The following BACE2 variants were observed in gnomAD, a reference collection of about 807,000 sequenced individuals.
BACE2 encodes the protein beta-secretase 2, also known as 56 kDa aspartic-like protease.
BACE2 carries 17 observed loss-of-function variants against 46.2 expected under a neutral mutation model. The observed-to-expected ratio is 0.37, with a 90% CI of 0.25 to 0.55. The LOEUF (loss-of-function observed/expected upper bound fraction) is 0.55, where lower values mean the gene tolerates loss of function less well. BACE2 is among the 20% of genes least tolerant of loss of function. BACE2 has a pLI of 0.82. For synonymous variants in BACE2, 277 were observed against 295.9 expected, an observed-to-expected ratio of 0.94 and a Z score of 0.66; for missense variants, 595 against 698.1, an observed-to-expected ratio of 0.85 and a Z score of 1.66.
rs765186062 is a variant in BACE2 at position 41,168,500 on chromosome 21, C to T, written c.237C>T (p.Ala79=). 7.2e-7 allele frequency: 1 copy of T among 1,384,612 alleles called. No individual in the cohort carries two copies. Among genetic ancestry groups the T allele is most frequent in the Non-Finnish European group, 9.4e-7 (1 of 1,064,894 alleles). 85.8% of individuals were successfully genotyped at this position (1,384,612 alleles called of 1,614,324 possible). A position where few individuals can be genotyped will look rare whatever the true frequency, so the allele number is the denominator to read the frequency against. ...ASPAGAANFL[A]MVDNLQGDSG... ...CCGCGGGCGCCGCCAACTTCTTGGCCATGGTAGACAACCTGCAGGGGGACT... is the reference window on the plus strand; with the variant it reads ...CCGCGGGCGCCGCCAACTTCTTGGCTATGGTAGACAACCTGCAGGGGGACT... The change falls in exon 1 of 9, where the codon GCC becomes GCT. Residue 79 remains alanine, a synonymous_variant. Transcript: ENST00000330333.
intron 1 of BACE2, among the ~76,000 whole-genome samples, chr21:41,210,713 T>G (rs887809120): frequency 1.3e-5 from 2 of 152,224 alleles, no homozygotes; most frequent in African/African-American, 4.8e-5. Flanking sequence ...TTACAGAGGC[T>G]GCTCACTTGA....
Position 41,168,181 on chromosome 21 carries a change from C to T in BACE2, c.-83C>T, listed in dbSNP as rs1984448472. 5 of 824,580 alleles carry T rather than the reference C, an allele frequency of 6.1e-6. No individual in the cohort carries two copies. Among genetic ancestry groups the T allele is most frequent in the Non-Finnish European group, 7.5e-6 (5 of 670,622 alleles). The allele number at this position is 824,580 out of a possible 1,614,324, so 51.1% of individuals were successfully genotyped here. Reference sequence around the variant, plus strand: ...GCCCATCCCTGCCCGCAGCCCCGCGCGCCGGCCGAGTCGCTGAGCCGCGGC... The same window carrying T: ...GCCCATCCCTGCCCGCAGCCCCGCGTGCCGGCCGAGTCGCTGAGCCGCGGC... On this transcript the variant is annotated 5_prime_UTR_variant, in exon 1 of 9. Coordinates refer to ENST00000330333, the MANE Select transcript of BACE2 (RefSeq NM_012105.5).
At position 41,182,523 on chromosome 21, in the gene BACE2, A is replaced by G. The variant is rs575067554; in HGVS notation, c.312+13948A>G. 14 of 167,058 alleles carry G rather than the reference A, an allele frequency of 8.4e-5. No individual in the cohort carries two copies. The East Asian group carries it at 1.9e-3, about 23-fold the overall frequency. 10.3% of individuals were successfully genotyped at this position (167,058 alleles called of 1,614,324 possible). A position where few individuals can be genotyped will look rare whatever the true frequency, so the allele number is the denominator to read the frequency against. ...CTTTTGAACCTGTCCTAAATTCTAA[A>G]GGGGAGGGGGGAAGGTTCATATAGG... On this transcript the variant is annotated intron_variant, in intron 1 of 8. Coordinates refer to ENST00000330333, the MANE Select transcript of BACE2 (RefSeq NM_012105.5).
In BACE2 at chr21:41,275,621, A is replaced by G; in HGVS notation, c.1554A>G (p.Lys518=). 3 of 1,613,818 alleles carry G rather than the reference A, an allele frequency of 1.9e-6. No individual in the cohort carries two copies. The highest frequency in any genetic ancestry group is 2.5e-6 in the Non-Finnish European group (3 of 1,179,940). The part of the protein sequence containing the change: ...DESSLVRHRW[K] ...CCTCTCTGGTCAGACATCGCTGGAA[A>G]TGAATAGCCAGGCCTGACCTCAAGC... The change falls in exon 9 of 9, where the codon AAA becomes AAG. Residue 518 remains lysine, a synonymous_variant. Coordinates refer to ENST00000330333, the MANE Select transcript of BACE2 (RefSeq NM_012105.5).
In BACE2 at chr21:41,237,549, A is replaced by G; in HGVS notation, c.438A>G (p.Thr146=). The G allele has an allele frequency of 1.2e-6, 2 of 1,614,260 alleles. No homozygotes were observed. The highest frequency in any genetic ancestry group is 2.7e-5 in the African/African-American group (2 of 75,084). Residue 146 remains threonine, a synonymous_variant, in exon 3 of 9, where the codon ACA becomes ACG. Transcript: ENST00000330333. ...STYRSKGFDV[T]VKYTQGSWTG... ...ACCGCTCCAAGGGCTTTGACGTCACAGTGAAGTACACACAAGGAAGCTGGA... is the reference window on the plus strand; with the variant it reads ...ACCGCTCCAAGGGCTTTGACGTCACGGTGAAGTACACACAAGGAAGCTGGA...
At chr21:41,218,260 G>A (rs1000502963) in intron 1 of BACE2, among the ~76,000 whole-genome samples, 2 of 152,140 alleles carry the variant, frequency 1.3e-5, no homozygotes, top group Non-Finnish European at 2.9e-5. Flanking sequence ...AATAAGACAT[G>A]CTTTAGATTT....
chr21:41,221,620 T>C (rs1326856912), intron 1 of BACE2, among the ~76,000 whole-genome samples: 1 of 152,034 alleles, frequency 6.6e-6, no homozygotes. Context: ...GGTCAGGAGA[T>C]CGAGACCATC....
At chr21:41,270,082 G>T (rs1366730176) in intron 8 of BACE2, among the ~76,000 whole-genome samples, 1 of 152,184 alleles carries the variant, frequency 6.6e-6, no homozygotes, top group Non-Finnish European at 1.5e-5. Flanking sequence ...TTTCCCTAAT[G>T]ACTAATAATC....
intron 5 of BACE2, among the ~76,000 whole-genome samples, chr21:41,243,762 A>C (rs1987373705): frequency 6.6e-6 from 1 of 152,196 alleles, no homozygotes; most frequent in Non-Finnish European, 1.5e-5. Context: ...TGGTGAGTGA[A>C]GAGGACTATC....
chr21:41,193,856 G>A lies in BACE2; in HGVS notation c.312+25281G>A, dbSNP rs528122513. Among the ~76,000 whole-genome samples the A allele has an allele frequency of 7.9e-5, 12 of 152,272 alleles. No individual in the cohort carries two copies. In the South Asian group the frequency reaches 1.9e-3, roughly 24 times the overall value. On this transcript the variant is annotated intron_variant, in intron 1 of 8. Coordinates refer to ENST00000330333, the MANE Select transcript of BACE2 (RefSeq NM_012105.5). This position sits in a 1 kb window ranked among gnomAD's most constrained non-coding sequence, Gnocchi z 4.2. ...ACATTTTGGGTCCTCTGGAATTAAC[G>A]TCAGCTCAGAGCCAGTGTCCAGTAG...
At chr21:41,270,097 A>T (rs2088419720) in intron 8 of BACE2, among the ~76,000 whole-genome samples, 1 of 152,188 alleles carries the variant, frequency 6.6e-6, no homozygotes, top group Admixed American at 6.5e-5. Context: ...ATAATCCTGA[A>T]TATCTTTTCA....
chr21:41,202,852 A>G (rs1234118540), intron 1 of BACE2, among the ~76,000 whole-genome samples: 1 of 151,988 alleles, frequency 6.6e-6, no homozygotes, highest in Non-Finnish European at 1.5e-5. Flanking sequence ...TGGGCTGGAG[A>G]TGTATATATT....
intron 1 of BACE2, among the ~76,000 whole-genome samples, chr21:41,222,515 G>A (rs1000846082): frequency 5.9e-5 from 9 of 152,264 alleles, no homozygotes; most frequent in Non-Finnish European, 1.0e-4. Context: ...GGGCTTTCAC[G>A]GAGTGGCCTG....
At chr21:41,246,427 C>CA (rs1204762661) in intron 6 of BACE2, among the ~76,000 whole-genome samples, 1 of 151,732 alleles carries the variant, frequency 6.6e-6, no homozygotes, top group Non-Finnish European at 1.5e-5. Context: ...TTTTAATCTG[C>CA]AAAAAACAAT....
intron 8 of BACE2, among the ~76,000 whole-genome samples, chr21:41,266,861 G>T (rs1287149568): frequency 1.3e-5 from 2 of 152,142 alleles, no homozygotes; most frequent in Non-Finnish European, 2.9e-5. Context: ...ATTCCTCTTT[G>T]TTGCAGCAGG....
intron 1 of BACE2, among the ~76,000 whole-genome samples, chr21:41,174,245 C>T (rs191206403): frequency 6.9e-4 from 103 of 149,874 alleles, no homozygotes; most frequent in African/African-American, 1.8e-3. Flanking sequence ...CAGGTTCAAG[C>T]GATTCTTCTG....
intron 1 of BACE2, chr21:41,181,585 A>T (rs1985125683): frequency 1.2e-5 from 2 of 167,116 alleles, no homozygotes; most frequent in African/African-American, 4.8e-5. Flanking sequence ...CTTTTGTGTC[A>T]TTAATGCAAG....
At chr21:41,192,781 C>A (rs1311409863) in intron 1 of BACE2, among the ~76,000 whole-genome samples, 3 of 152,232 alleles carry the variant, frequency 2.0e-5, no homozygotes, top group African/African-American at 7.2e-5. Flanking sequence ...AAATTGGCAG[C>A]CTTTCGGCTC....
chr21:41,257,224 T>C lies in BACE2; in HGVS notation c.1201T>C (p.Ser401Pro). 1 of 1,614,176 alleles carries C rather than the reference T, an allele frequency of 6.2e-7. No individual in the cohort carries two copies. ...ATGTTACCGATTCGGCATTTCCCCATCCACAAATGCGCTGGTGATCGGTGC... is the reference window on the plus strand; with the variant it reads ...ATGTTACCGATTCGGCATTTCCCCACCCACAAATGCGCTGGTGATCGGTGC... ...YECYRFGISP[S>P]TNALVIGATV... The change falls in exon 8 of 9, where the codon TCC becomes CCC. Residue 401 changes from serine to proline, a missense_variant. By Grantham distance (74) the Ser-to-Pro change is moderately conservative. This residue lies in a region of BACE2 where 343 missense variants were observed against 419.4 expected (regional missense o/e 0.82). Transcript: ENST00000330333.
Sources: allele counts gnomAD v4.1 joint callset (sites outside exome capture counted in the v4.1 genomes callset), GRCh38; gene constraint gnomAD v4.1.1; regional missense constraint gnomAD v4.1.1; non-coding constraint Gnocchi (gnomAD v3.1); transcripts MANE v1.5; gene names NCBI Gene and HGNC (gene_info 2026-07-23, HGNC 2026-07-21).